TMEM234: variants seen among roughly 807,000 people sequenced by gnomAD.
TMEM234 encodes transmembrane protein 234.
Under a neutral mutation model 17.8 loss-of-function variants are expected in TMEM234, and 21 were observed. That is an observed-to-expected ratio of 1.18 (90% CI 0.84 to 1.70). The LOEUF is 1.70. Ranked by LOEUF, TMEM234 falls within the 40% of genes most tolerant of loss-of-function variation. TMEM234 has a pLI of 0.00. For synonymous variants in TMEM234, 83 were observed against 73.5 expected, an observed-to-expected ratio of 1.13 and a Z score of -0.66; for missense variants, 137 against 166.9, an observed-to-expected ratio of 0.82 and a Z score of 0.99.
At position 32,217,557 on chromosome 1, in the gene TMEM234, A is replaced by ACT; in HGVS notation, c.236-208_236-207dup. 2.6e-6 allele frequency: 3 copies of ACT among 1,163,252 alleles called. No homozygotes were observed. The South Asian group carries it at 4.0e-5, about 15-fold the overall frequency. 72.1% of individuals were successfully genotyped at this position (1,163,252 alleles called of 1,614,324 possible). A position where few individuals can be genotyped will look rare whatever the true frequency, so the allele number is the denominator to read the frequency against. On this transcript the variant is annotated intron_variant, in intron 3 of 4. Transcript: ENST00000309777. ...CCAGGATTCCAGCATGAAGACCTGA[A>ACT]CTCTGAGGTCTGGGACCAGCCTGGT...
chr1:32,216,240 G>T lies in TMEM234; in HGVS notation c.*613C>A. ...TTTATTGACAGCTACTACTCGCCAG[G>T]TGTGCTGGAGTCAGGTGGGGCTGGG... On this transcript the variant is annotated 3_prime_UTR_variant, in exon 5 of 5. Coordinates refer to ENST00000309777, the MANE Select transcript of TMEM234 (RefSeq NM_019118.5). The T allele has an allele frequency of 1.6e-6, 2 of 1,273,336 alleles. No individual in the cohort carries two copies. The highest frequency in any genetic ancestry group is 2.1e-6 in the Non-Finnish European group (2 of 942,838). 78.9% of individuals were successfully genotyped at this position (1,273,336 alleles called of 1,614,324 possible). A position where few individuals can be genotyped will look rare whatever the true frequency, so the allele number is the denominator to read the frequency against.
At chr1:32,214,903 G>C (rs1557534727), downstream of TMEM234, 1 of 1,613,972 alleles carries the variant, frequency 6.2e-7, no homozygotes, top group Non-Finnish European at 8.5e-7. Context: ...CAGCCAAGAA[G>C]CAAGCTCCCC....
intron 3 of TMEM234, among the ~76,000 whole-genome samples, chr1:32,220,549 G>A (rs3753609): frequency 0.1 from 15,831 of 152,162 alleles, 1,034 homozygotes; most frequent in South Asian, 0.25. Context: ...AGGTGAAATT[G>A]CACAAAGTTT....
rs779284822 is a variant in TMEM234 at position 32,217,345 on chromosome 1, G to A, written c.242C>T (p.Thr81Ile). ...YYLTLASTDLTLAVPICNSLA... is the reference protein window; with the variant it reads ...YYLTLASTDLILAVPICNSLA... ...AGAGTTACAGATGGGCACAGCCAGGGTCAGATCTGGGTGGTCAGAATGAAA... is the reference window on the plus strand; with the variant it reads ...AGAGTTACAGATGGGCACAGCCAGGATCAGATCTGGGTGGTCAGAATGAAA... Residue 81 changes from threonine to isoleucine, a missense_variant, in exon 4 of 5, where the codon ACC becomes ATC. Coordinates refer to ENST00000309777, the MANE Select transcript of TMEM234 (RefSeq NM_019118.5). 1.2e-6 allele frequency: 2 copies of A among 1,609,218 alleles called. No homozygotes were observed. Among genetic ancestry groups the A allele is most frequent in the Non-Finnish European group, 1.7e-6 (2 of 1,176,162 alleles).
At position 32,222,316 on chromosome 1, in the gene TMEM234, C is replaced by G. The variant is rs989443912; in HGVS notation, c.7G>C (p.Ala3Pro). 6.4e-7 allele frequency: 1 copy of G among 1,560,992 alleles called. No homozygotes were observed. The highest frequency in any genetic ancestry group is 8.7e-7 in the Non-Finnish European group (1 of 1,152,444). Reference sequence around the variant, plus strand: ...GGGGCCGGCTACCTACCCAGAGACGCCGCCATGGCAACGCCGCTGTCTTCT... The same window carrying G: ...GGGGCCGGCTACCTACCCAGAGACGGCGCCATGGCAACGCCGCTGTCTTCT... MA[A>P]SLGQVLALVL... The change falls in exon 1 of 5, where the codon GCG (alanine) becomes CCG (proline). Residue 3 changes from alanine (A) to proline (P), a missense_variant. Physicochemically the swap from Ala to Pro is conservative, Grantham distance 27. Transcript: ENST00000309777.
intron 3 of TMEM234, among the ~76,000 whole-genome samples, chr1:32,220,874 A>C (rs948311152): frequency 6.6e-6 from 1 of 152,212 alleles, no homozygotes; most frequent in Non-Finnish European, 1.5e-5. Context: ...TGGCACAGCA[A>C]AATGAACCTT....
chr1:32,215,436 T>C, downstream of TMEM234: 1 of 1,608,206 alleles, frequency 6.2e-7, no homozygotes, highest in South Asian at 1.1e-5. Context: ...CCTCCCCTCT[T>C]TAGGAGTTAT....
At chr1:32,217,829 A>G (rs1372592868) in intron 3 of TMEM234, among the ~76,000 whole-genome samples, 1 of 152,272 alleles carries the variant, frequency 6.6e-6, no homozygotes. Context: ...CAAAGAAGTC[A>G]CATAAACTAA....
intron 3 of TMEM234, among the ~76,000 whole-genome samples, chr1:32,218,419 T>A (rs1638604814): frequency 6.6e-6 from 1 of 151,328 alleles, no homozygotes; most frequent in African/African-American, 2.4e-5. Flanking sequence ...AGAGTGAAAC[T>A]CTGTCTCAAA....
At chr1:32,216,012 C>T, downstream of TMEM234, 1 of 896,394 alleles carries the variant, frequency 1.1e-6, no homozygotes, top group Admixed American at 2.4e-5. Context: ...ACAGGGTACA[C>T]TGCGGCCTCC....
intron 1 of TMEM234, 126 bp downstream of exon 1, chr1:32,222,181 G>A: frequency 6.7e-7 from 1 of 1,501,324 alleles, no homozygotes; most frequent in Non-Finnish European, 8.9e-7. Context: ...AAGCTAGGGA[G>A]ATGAATCCAG....
chr1:32,218,571 G>GA (rs1031334251), intron 3 of TMEM234, among the ~76,000 whole-genome samples: 18 of 152,142 alleles, frequency 1.2e-4, no homozygotes, highest in African/African-American at 4.3e-4. Context: ...GGAAGGCTGA[G>GA]ACGGGCGGAT....
At chr1:32,220,983 A>G in intron 3 of TMEM234, 148 bp downstream of exon 3, 1 of 640,336 alleles carries the variant, frequency 1.6e-6, no homozygotes, top group Non-Finnish European at 2.8e-6. Context: ...CCTCTTGTTC[A>G]GAGAAGAGGA....
chr1:32,214,639 A>G, downstream of TMEM234: 1 of 1,014,528 alleles, frequency 9.9e-7, no homozygotes, highest in Non-Finnish European at 1.4e-6. Flanking sequence ...GCTGGTGGGA[A>G]GAGGCAGCAA....
intron 3 of TMEM234, among the ~76,000 whole-genome samples, chr1:32,218,077 C>T (rs1638573877): frequency 6.6e-6 from 1 of 152,216 alleles, no homozygotes; most frequent in Non-Finnish European, 1.5e-5. Flanking sequence ...GGATCTGTTC[C>T]TTAATTTTGA....
intron 3 of TMEM234, among the ~76,000 whole-genome samples, chr1:32,219,321 G>A (rs1391960345): frequency 2.6e-5 from 4 of 152,206 alleles, no homozygotes; most frequent in Non-Finnish European, 5.9e-5. Context: ...CCAGCATGGA[G>A]GCATTACCCA....
chr1:32,215,782 T>C (rs1311432351), downstream of TMEM234: 4 of 1,537,344 alleles, frequency 2.6e-6, no homozygotes, highest in Admixed American at 2.0e-5. Context: ...CCATTCTGTA[T>C]GGCCTTCCAC....
intron 3 of TMEM234, 61 bp from the exon 4 acceptor site, chr1:32,217,412 C>G: frequency 1.3e-6 from 2 of 1,588,788 alleles, no homozygotes; most frequent in Non-Finnish European, 8.6e-7. Flanking sequence ...AGGCACAAAA[C>G]ACTTCCATCA....
Position 32,216,603 on chromosome 1 carries a change from G to T in TMEM234, c.*250C>A. On this transcript the variant is annotated 3_prime_UTR_variant, in exon 5 of 5. Coordinates refer to ENST00000309777, the MANE Select transcript of TMEM234 (RefSeq NM_019118.5). ...TGTTAGCAGGAAGAGAGCTGCTGGG[G>T]CAGAAAGGTTGCTGAGGGTGAGCGT... 6.5e-7 allele frequency: 1 copy of T among 1,538,660 alleles called. No homozygotes were observed.
Sources: allele counts gnomAD v4.1 joint callset (sites outside exome capture counted in the v4.1 genomes callset), GRCh38; gene constraint gnomAD v4.1.1; transcripts MANE v1.5; gene names NCBI Gene and HGNC (gene_info 2026-07-23, HGNC 2026-07-21).